Variants in MAGI1 observed in about 807,000 individuals in gnomAD.
MAGI1 encodes the protein membrane-associated guanylate kinase, WW and PDZ domain-containing protein 1.
Under a neutral mutation model 139.9 loss-of-function variants are expected in MAGI1, and 58 were observed. The observed-to-expected ratio is 0.41, with a 90% CI of 0.34 to 0.52. The LOEUF (loss-of-function observed/expected upper bound fraction) is 0.52. Among genes scored for constraint, MAGI1 ranks in the 20% least tolerant of loss-of-function variants. The pLI is 0.12. For missense variants in MAGI1, 1,874 were observed against 1,901.6 expected (o/e 0.99, Z 0.27); for synonymous variants, 812 against 737.9 (o/e 1.10, Z -1.63).
chr3:65,895,006 T>C (rs1160209854), intron 1 of MAGI1, among the ~76,000 whole-genome samples: 1 of 152,222 alleles, frequency 6.6e-6, no homozygotes, highest in African/African-American at 2.4e-5. Flanking sequence ...CAGGACTGAA[T>C]GGTTGGAAAC....
intron 1 of MAGI1, among the ~76,000 whole-genome samples, chr3:65,744,450 G>C (rs2035526545): frequency 1.3e-5 from 2 of 152,208 alleles, no homozygotes; most frequent in South Asian, 4.1e-4. Flanking sequence ...GGGGAAGTCA[G>C]CATAACAAGA....
rs141982446 is a variant in MAGI1 at position 65,387,205 on chromosome 3, G to T, written c.2417-3582C>A. The T allele has an allele frequency of 1.9e-6, 3 of 1,613,740 alleles. No homozygotes were observed. In the East Asian group the frequency reaches 6.7e-5, roughly 36 times the overall value. On this transcript the variant is annotated intron_variant, in intron 14 of 22. Transcript: ENST00000402939. ...CTCTCTCTCACCCTTGCTCAATCCC[G>T]ACGCAGGTGAAGGTGACATAGCTGG...
intron 1 of MAGI1, among the ~76,000 whole-genome samples, chr3:65,679,821 T>C (rs951987062): frequency 6.6e-5 from 10 of 152,222 alleles, no homozygotes; most frequent in Admixed American, 2.6e-4. Flanking sequence ...ATTTTTCCTA[T>C]AAACTAGAAT....
chr3:65,637,560 GAA>G (rs1180974480), intron 1 of MAGI1, among the ~76,000 whole-genome samples: 1 of 28,666 alleles, frequency 3.5e-5, no homozygotes, highest in African/African-American at 1.1e-4. Flanking sequence ...TCCAAAAAAA[GAA>G]AGAAAGAAAG....
chr3:65,908,353 G>C (rs959944112), intron 1 of MAGI1, among the ~76,000 whole-genome samples: 2 of 151,550 alleles, frequency 1.3e-5, no homozygotes, highest in Admixed American at 1.3e-4. Flanking sequence ...ACCCAGGCTG[G>C]AGCACAGTGG....
intron 14 of MAGI1, among the ~76,000 whole-genome samples, chr3:65,386,247 G>GAAAA (rs4016249): frequency 1.4e-5 from 2 of 145,844 alleles, no homozygotes; most frequent in African/African-American, 2.5e-5. Flanking sequence ...AGGCCACATG[G>GAAAA]AAAAAAAAAA....
intron 1 of MAGI1, among the ~76,000 whole-genome samples, chr3:65,758,981 T>A (rs2107863353): frequency 6.8e-6 from 1 of 146,556 alleles, no homozygotes; most frequent in Non-Finnish European, 1.5e-5. Flanking sequence ...TAAATCCATC[T>A]AATCCTTGCA....
At chr3:65,914,686 G>C in intron 1 of MAGI1, among the ~76,000 whole-genome samples, 1 of 152,156 alleles carries the variant, frequency 6.6e-6, no homozygotes, top group East Asian at 1.9e-4. Context: ...TGCCTAATAA[G>C]CATATTAAAT....
At chr3:65,471,293 G>C (rs1237141495) in intron 4 of MAGI1, among the ~76,000 whole-genome samples, 2 of 152,060 alleles carry the variant, frequency 1.3e-5, no homozygotes, top group Non-Finnish European at 2.9e-5. Context: ...TTTTTATAGA[G>C]GCCGATGATA....
chr3:65,443,245 T>C (rs1294060254), intron 7 of MAGI1, among the ~76,000 whole-genome samples: 1 of 152,192 alleles, frequency 6.6e-6, no homozygotes, highest in Non-Finnish European at 1.5e-5. Context: ...AAAATTAATG[T>C]TTCATTTTCA....
At chr3:65,403,259 CT>C (rs1473867094) in intron 12 of MAGI1, among the ~76,000 whole-genome samples, 1 of 152,120 alleles carries the variant, frequency 6.6e-6, no homozygotes, top group Non-Finnish European at 1.5e-5. Context: ...CCCTCCTTAG[CT>C]AATTTACATC....
intron 1 of MAGI1, among the ~76,000 whole-genome samples, chr3:65,795,654 C>T (rs2040075554): frequency 6.8e-6 from 1 of 147,182 alleles, no homozygotes; most frequent in South Asian, 2.2e-4. Flanking sequence ...GAAGCCTGCT[C>T]TATTTCGGTC....
intron 1 of MAGI1, among the ~76,000 whole-genome samples, chr3:65,847,111 C>CA (rs1432058836): frequency 1.3e-5 from 2 of 151,550 alleles, no homozygotes; most frequent in Non-Finnish European, 2.9e-5. Flanking sequence ...AATGACTGTG[C>CA]AAAAAGCAAC....
intron 1 of MAGI1, among the ~76,000 whole-genome samples, chr3:65,705,148 G>C (rs1001318738): frequency 8.6e-5 from 13 of 151,782 alleles, no homozygotes; most frequent in Non-Finnish European, 7.4e-5. Context: ...GTCAAACTAA[G>C]TTCTTATCAA....
intron 3 of MAGI1, among the ~76,000 whole-genome samples, chr3:65,484,257 C>A (rs1284007795): frequency 2.0e-5 from 3 of 152,068 alleles, no homozygotes; most frequent in Admixed American, 2.0e-4. Flanking sequence ...CATAAAGGCC[C>A]AAAGTGGCAG....
chr3:65,900,548 C>T (rs1428012293), intron 1 of MAGI1, among the ~76,000 whole-genome samples: 1 of 152,122 alleles, frequency 6.6e-6, no homozygotes, highest in Non-Finnish European at 1.5e-5. Flanking sequence ...CAACACCACA[C>T]ATATAAATAC....
chr3:65,432,769 T>C (rs762192412), intron 10 of MAGI1, among the ~76,000 whole-genome samples: 17 of 152,196 alleles, frequency 1.1e-4, no homozygotes, highest in Non-Finnish European at 2.1e-4. Context: ...AAGTTTACTT[T>C]AGGGGGAGGA....
At chr3:65,753,383 C>A (rs1166375867) in intron 1 of MAGI1, among the ~76,000 whole-genome samples, 1 of 152,150 alleles carries the variant, frequency 6.6e-6, no homozygotes, top group African/African-American at 2.4e-5. Context: ...TCACCAAAAA[C>A]ACCTATGAAC....
chr3:65,849,468 CATAT>C (rs10529813), intron 1 of MAGI1, among the ~76,000 whole-genome samples: 2 of 144,752 alleles, frequency 1.4e-5, no homozygotes, highest in Non-Finnish European at 1.5e-5. Flanking sequence ...AGTAAACTTT[CATAT>C]ATATATATAT....
Sources: gnomAD v4.1 joint callset for allele counts (sites outside exome capture counted in the v4.1 genomes callset) on GRCh38, gnomAD v4.1.1 for gene constraint, MANE v1.5 for transcripts, NCBI Gene and HGNC (gene_info 2026-07-23, HGNC 2026-07-21) for gene names.